PPARGC1A: variants seen among roughly 807,000 people sequenced by gnomAD.
PPARGC1A encodes the protein peroxisome proliferator-activated receptor gamma coactivator 1-alpha.
PPARGC1A carries 25 observed loss-of-function variants against 88.7 expected under a neutral mutation model. The observed-to-expected ratio is 0.28, with a 90% CI of 0.21 to 0.39. PPARGC1A has a LOEUF of 0.39. Among genes scored for constraint, PPARGC1A ranks in the 10% least tolerant of loss-of-function variants. The pLI is 1.00. For missense variants in PPARGC1A, 880 were observed against 968.7 expected (o/e 0.91, Z 1.22); for synonymous variants, 363 against 355.6 (o/e 1.02, Z -0.24).
intron 3 of PPARGC1A, 167 bp downstream of exon 3, chr4:23,831,390 C>T (rs1170204659): frequency 1.8e-6 from 1 of 567,102 alleles, no homozygotes; most frequent in African/African-American, 1.9e-5. Context: ...ATTATCAACA[C>T]TTTTAAACAG....
chr4:24,017,623 T>G, the PPARGC1A span, among the ~76,000 whole-genome samples: 2 of 152,186 alleles, frequency 1.3e-5, no homozygotes, highest in Non-Finnish European at 2.9e-5. Context: ...ATACTTCTTC[T>G]AAATTTGTAC....
intron 2 of PPARGC1A, among the ~76,000 whole-genome samples, chr4:23,863,075 T>C (rs1731527936): frequency 6.6e-6 from 1 of 152,102 alleles, no homozygotes; most frequent in South Asian, 2.1e-4. Context: ...ACCACAGCCA[T>C]TTTTCCTCCC....
At chr4:24,073,426 T>C in the PPARGC1A span, among the ~76,000 whole-genome samples, 1 of 152,180 alleles carries the variant, frequency 6.6e-6, no homozygotes, top group African/African-American at 2.4e-5. Context: ...ACAAACTTTG[T>C]CAGGCAACTT....
chr4:24,171,781 G>T, the PPARGC1A span, among the ~76,000 whole-genome samples: 2 of 152,180 alleles, frequency 1.3e-5, no homozygotes, highest in Non-Finnish European at 2.9e-5. Context: ...GTATTAGAAA[G>T]ATTTTTATCC....
chr4:24,237,521 C>T, the PPARGC1A span, among the ~76,000 whole-genome samples: 1 of 152,144 alleles, frequency 6.6e-6, no homozygotes, highest in African/African-American at 2.4e-5. Flanking sequence ...TTTCATATGG[C>T]CAAGTGCTCA....
the PPARGC1A span, among the ~76,000 whole-genome samples, chr4:23,996,156 G>A: frequency 4.6e-5 from 7 of 152,202 alleles, no homozygotes; most frequent in East Asian, 1.9e-4. Context: ...TTTGATTAAC[G>A]GGAGGTGATG....
chr4:23,831,560 AGAC>A lies in PPARGC1A; in HGVS notation c.423_425del (p.Ser142del). The A allele has an allele frequency of 6.2e-7, 1 of 1,613,488 alleles. No homozygotes were observed. The highest frequency in any genetic ancestry group is 8.5e-7 in the Non-Finnish European group (1 of 1,179,558). ...AAACAGTAGGAAGGGTTCTTACTAG[AGAC>A]GGCTCTTCTGCCTCCTGGGGTGGAG... On this transcript the variant is annotated inframe_deletion, in exon 3 of 13. Coordinates refer to ENST00000264867, the MANE Select transcript of PPARGC1A (RefSeq NM_013261.5).
chr4:24,054,541 A>G, the PPARGC1A span, among the ~76,000 whole-genome samples: 36 of 152,312 alleles, frequency 2.4e-4, no homozygotes, highest in African/African-American at 6.0e-4. Context: ...AATAAGTTAC[A>G]TTGTAGTGTG....
chr4:23,814,619 TAAAAA>T lies in PPARGC1A; in HGVS notation c.878-19_878-15del. On this transcript the variant is annotated splice_polypyrimidine_tract_variant and intron_variant, in intron 7 of 12. Coordinates refer to ENST00000264867, the MANE Select transcript of PPARGC1A (RefSeq NM_013261.5). The stretch of plus-strand genomic sequence containing the variant: ...GTGGAGTTAGGCCTAAGGCAAAAAT[TAAAAA>T]AAAAAAAAAAAAGAGAGAGAAAGAA... 1.5e-5 allele frequency: 18 copies of T among 1,180,820 alleles called. No homozygotes were observed. Among genetic ancestry groups the T allele is most frequent in the South Asian group, 4.3e-5 (2 of 46,396 alleles). The allele number at this position is 1,180,820 out of a possible 1,614,324, so 73.1% of individuals were successfully genotyped here.
chr4:24,099,190 A>G, the PPARGC1A span, among the ~76,000 whole-genome samples: 2 of 151,328 alleles, frequency 1.3e-5, no homozygotes, highest in Non-Finnish European at 2.9e-5. Flanking sequence ...TAGAGTGGGA[A>G]TGCAGATCTA....
the PPARGC1A span, among the ~76,000 whole-genome samples, chr4:24,066,177 G>A: frequency 2.6e-5 from 4 of 151,958 alleles, no homozygotes; most frequent in African/African-American, 4.8e-5. Context: ...AGAGCCGAAC[G>A]AGGGAGGACG....
At chr4:24,412,586 T>C in the PPARGC1A span, among the ~76,000 whole-genome samples, 49,299 of 152,010 alleles carry the variant, frequency 0.32, 8,325 homozygotes, top group Admixed American at 0.4. Context: ...GTTCAAGCGA[T>C]TCTCCTGCCT....
At chr4:24,036,933 T>A in the PPARGC1A span, among the ~76,000 whole-genome samples, 1 of 152,244 alleles carries the variant, frequency 6.6e-6, no homozygotes. Flanking sequence ...ATGGAAGTAT[T>A]TGCTATTAAT....
the PPARGC1A span, among the ~76,000 whole-genome samples, chr4:24,358,458 C>T: frequency 6.6e-6 from 1 of 152,194 alleles, no homozygotes; most frequent in South Asian, 2.1e-4. Flanking sequence ...GCCCATGCTC[C>T]TAAACACTAC....
chr4:23,921,019 A>T, the PPARGC1A span, among the ~76,000 whole-genome samples: 1 of 152,120 alleles, frequency 6.6e-6, no homozygotes, highest in Non-Finnish European at 1.5e-5. Context: ...TTCTTCCATA[A>T]AAGGGACAAT....
intron 5 of PPARGC1A, 101 bp from the exon 6 acceptor site, chr4:23,824,609 A>G (rs1723598657): frequency 4.0e-6 from 4 of 989,102 alleles, no homozygotes; most frequent in African/African-American, 1.6e-5. Flanking sequence ...AGAAAACTCA[A>G]AGACTAAACT....
At chr4:24,175,748 G>A in the PPARGC1A span, among the ~76,000 whole-genome samples, 1 of 151,340 alleles carries the variant, frequency 6.6e-6, no homozygotes, top group African/African-American at 2.4e-5. Context: ...ATAGCTAATA[G>A]CTCCAACGTA....
the PPARGC1A span, among the ~76,000 whole-genome samples, chr4:24,080,133 T>C: frequency 2.6e-5 from 4 of 152,060 alleles, no homozygotes; most frequent in Non-Finnish European, 4.4e-5. Flanking sequence ...GTAAATTCAT[T>C]TGAGAAAAAT....
At chr4:24,066,827 T>A in the PPARGC1A span, among the ~76,000 whole-genome samples, 1 of 145,592 alleles carries the variant, frequency 6.9e-6, no homozygotes, top group South Asian at 2.2e-4. Flanking sequence ...GTTTTTTTGT[T>A]TTTGTTTTTT....
Sources: gnomAD v4.1 joint callset for allele counts (sites outside exome capture counted in the v4.1 genomes callset) on GRCh38, gnomAD v4.1.1 for gene constraint, MANE v1.5 for transcripts, NCBI Gene and HGNC (gene_info 2026-07-23, HGNC 2026-07-21) for gene names.